The following CNTNAP5 variants were observed in gnomAD, a reference collection of about 807,000 sequenced individuals.
CNTNAP5 encodes contactin associated protein family member 5, also known as contactin-associated protein-like 5.
CNTNAP5 carries 72 observed loss-of-function variants against 150.2 expected under a neutral mutation model. That is an observed-to-expected ratio of 0.48 (90% confidence interval 0.40 to 0.58). The LOEUF is 0.58. Among genes scored for constraint, CNTNAP5 ranks in the 20% least tolerant of loss-of-function variants. The pLI is 0.00. For missense variants in CNTNAP5, 1,636 were observed against 1,626.2 expected, an observed-to-expected ratio of 1.01 and a Z score of -0.10; for synonymous variants, 672 against 619.8, an observed-to-expected ratio of 1.08 and a Z score of -1.25.
At chr2:124,867,289 G>A (rs974731681) in intron 20 of CNTNAP5, among the ~76,000 whole-genome samples, 3 of 152,160 alleles carry the variant, frequency 2.0e-5, no homozygotes, top group South Asian at 2.1e-4. Context: ...ACTTCTTACA[G>A]TGTTCCATTC....
chr2:124,712,130 C>A (rs981182255), intron 13 of CNTNAP5, among the ~76,000 whole-genome samples: 1 of 152,138 alleles, frequency 6.6e-6, no homozygotes, highest in African/African-American at 2.4e-5. Flanking sequence ...TAAGCACGTT[C>A]ATTAATTTAG....
intron 21 of CNTNAP5, among the ~76,000 whole-genome samples, chr2:124,881,576 A>G (rs1006547431): frequency 2.8e-4 from 43 of 152,056 alleles, no homozygotes; most frequent in Admixed American, 2.8e-3. Flanking sequence ...TCTGGATTTG[A>G]GAAATCCCTG....
intron 3 of CNTNAP5, among the ~76,000 whole-genome samples, chr2:124,395,036 AAC>A (rs3034720): frequency 0.53 from 80,689 of 151,852 alleles, 22,818 homozygotes; most frequent in South Asian, 0.67. Context: ...TCACCCAAGA[AAC>A]ACAGAATCTT....
At position 124,601,898 on chromosome 2, in the gene CNTNAP5, G is replaced by T. The variant is rs74935538; in HGVS notation, c.1757-7903G>T. Among the ~76,000 whole-genome samples the T allele has an allele frequency of 5.0e-3, 768 of 152,206 alleles. 5 individuals carry two copies. The highest frequency in any genetic ancestry group is 0.018 in the African/African-American group (732 of 41,536). On this transcript the variant is annotated intron_variant, in intron 11 of 23. Coordinates refer to ENST00000682447, the MANE Select transcript of CNTNAP5 (RefSeq NM_001367498.1). ...AAGGGAATTATTTTTAGTGAAAAAG[G>T]CCAGTTTTAAAAGGAATATCCAGCT...
At chr2:124,551,873 G>A (rs1314444599) in intron 10 of CNTNAP5, among the ~76,000 whole-genome samples, 1 of 152,126 alleles carries the variant, frequency 6.6e-6, no homozygotes, top group African/African-American at 2.4e-5. Flanking sequence ...AGTACACTGA[G>A]TATATTTTTT....
chr2:124,551,422 A>G (rs1187742455), intron 10 of CNTNAP5, among the ~76,000 whole-genome samples: 1 of 152,224 alleles, frequency 6.6e-6, no homozygotes, highest in Non-Finnish European at 1.5e-5. Flanking sequence ...ATGGAAAGAC[A>G]TAGAAATAGG....
chr2:124,458,167 T>C (rs2420860), intron 6 of CNTNAP5, among the ~76,000 whole-genome samples: 144,534 of 147,590 alleles, frequency 0.98, 70,833 homozygotes, highest in East Asian at 1. Flanking sequence ...CCAACTCAAA[T>C]GCCCATCAAT....
intron 3 of CNTNAP5, among the ~76,000 whole-genome samples, chr2:124,318,149 C>G (rs1689013254): frequency 6.6e-6 from 1 of 152,124 alleles, no homozygotes; most frequent in Non-Finnish European, 1.5e-5. Context: ...CCAGTGGGTC[C>G]TGGTTCAGTA....
chr2:124,071,668 C>CA (rs755418127), intron 1 of CNTNAP5, among the ~76,000 whole-genome samples: 58 of 151,736 alleles, frequency 3.8e-4, no homozygotes, highest in Middle Eastern at 3.4e-3. Context: ...TGAAGGAATC[C>CA]AAAATCTGAA....
In CNTNAP5 at chr2:124,025,604, A is replaced by T; in HGVS notation, c.-47A>T. 6.4e-7 allele frequency: 1 copy of T among 1,552,864 alleles called. No individual in the cohort carries two copies. The highest frequency in any genetic ancestry group is 8.9e-7 in the Non-Finnish European group (1 of 1,124,254). On this transcript the variant is annotated 5_prime_UTR_variant, in exon 1 of 24. Coordinates refer to ENST00000682447, the MANE Select transcript of CNTNAP5 (RefSeq NM_001367498.1). ...CAGCGAGAAGAAGCCGCGGCTGGCTACTGCGAATTTGGGATTCGATTGGGA... is the reference window on the plus strand; with the variant it reads ...CAGCGAGAAGAAGCCGCGGCTGGCTTCTGCGAATTTGGGATTCGATTGGGA...
intron 11 of CNTNAP5, among the ~76,000 whole-genome samples, chr2:124,588,181 T>TTCC (rs1573478140): frequency 9.8e-5 from 7 of 71,100 alleles, no homozygotes; most frequent in East Asian, 2.9e-4. Context: ...TCCTTCCTTC[T>TTCC]TTCTTTCTTT....
chr2:124,069,409 G>C (rs577518249), intron 1 of CNTNAP5, among the ~76,000 whole-genome samples: 1 of 152,252 alleles, frequency 6.6e-6, no homozygotes, highest in East Asian at 1.9e-4. Flanking sequence ...TAGGGTCTGG[G>C]GGAACTTGCC....
chr2:124,084,478 C>A (rs1042741081), intron 1 of CNTNAP5, among the ~76,000 whole-genome samples: 1 of 151,948 alleles, frequency 6.6e-6, no homozygotes, highest in Non-Finnish European at 1.5e-5. Flanking sequence ...ATCATGTTGC[C>A]TGGTCTGGTC....
chr2:124,789,882 C>A lies in CNTNAP5; in HGVS notation c.2753-20C>A, dbSNP rs769396038. ...GCCCTATAATACCTTACATTTGTTT[C>A]CTTTTATTTAACCTCTTAGGGGGAA... On this transcript the variant is annotated intron_variant, in intron 17 of 23. Coordinates refer to ENST00000682447, the MANE Select transcript of CNTNAP5 (RefSeq NM_001367498.1). The A allele has an allele frequency of 6.2e-6, 10 of 1,611,238 alleles. No individual in the cohort carries two copies. The highest frequency in any genetic ancestry group is 1.1e-5 in the South Asian group (1 of 90,858).
chr2:124,796,349 C>T (rs2104639927), intron 18 of CNTNAP5, among the ~76,000 whole-genome samples: 1 of 152,196 alleles, frequency 6.6e-6, no homozygotes, highest in African/African-American at 2.4e-5. Flanking sequence ...AAATAAAAGT[C>T]CTTTATTTTG....
At chr2:124,854,071 G>T (rs1429937855) in intron 19 of CNTNAP5, among the ~76,000 whole-genome samples, 1 of 152,152 alleles carries the variant, frequency 6.6e-6, no homozygotes, top group Admixed American at 6.6e-5. Context: ...ATGGGCATTT[G>T]TGATGATTCC....
chr2:124,213,712 A>T (rs1686080368), intron 1 of CNTNAP5, among the ~76,000 whole-genome samples: 1 of 152,196 alleles, frequency 6.6e-6, no homozygotes, highest in South Asian at 2.1e-4. Flanking sequence ...AGAATAAAGC[A>T]AAACAGTCTG....
At chr2:124,306,486 C>G (rs1256084662) in intron 3 of CNTNAP5, among the ~76,000 whole-genome samples, 1 of 152,158 alleles carries the variant, frequency 6.6e-6, no homozygotes, top group Non-Finnish European at 1.5e-5. Flanking sequence ...GGAATATGAC[C>G]TATGTTGGTT....
rs900345560 is a variant in CNTNAP5 at position 124,252,323 on chromosome 2, T to C, written c.381+9930T>C. Among the ~76,000 whole-genome samples the C allele has an allele frequency of 3.9e-5, 6 of 152,288 alleles. No individual in the cohort carries two copies. In the South Asian group the frequency reaches 1.0e-3, roughly 26 times the overall value. ...CAGAGAAGCTTTGTTTAGAGGCCCGTTCCTAAGTCCCCTTGCATCAAGCTT... is the reference window on the plus strand; with the variant it reads ...CAGAGAAGCTTTGTTTAGAGGCCCGCTCCTAAGTCCCCTTGCATCAAGCTT... On this transcript the variant is annotated intron_variant, in intron 3 of 23. Transcript: ENST00000682447.
Sources: allele counts gnomAD v4.1 joint callset (sites outside exome capture counted in the v4.1 genomes callset), GRCh38; gene constraint gnomAD v4.1.1; transcripts MANE v1.5; gene names NCBI Gene and HGNC (gene_info 2026-07-23, HGNC 2026-07-21).